The following TRAPPC6B variants were observed in gnomAD, a reference collection of about 807,000 sequenced individuals.
TRAPPC6B encodes TRAPP complex subunit 6B.
TRAPPC6B carries 27 observed loss-of-function variants against 24.7 expected under a neutral mutation model. The observed-to-expected ratio is 1.09, with a 90% CI of 0.81 to 1.51. TRAPPC6B has a LOEUF of 1.51. TRAPPC6B is among the 40% of genes most tolerant of loss of function. The pLI, the probability that TRAPPC6B is intolerant of heterozygous loss-of-function variation, is 0.00. For missense variants in TRAPPC6B, 212 were observed against 190.8 expected (o/e 1.11, Z -0.66); for synonymous variants, 80 against 66.6 (o/e 1.20, Z -0.98).
chr14:39,150,679 C>T (rs1002854018), intron 5 of TRAPPC6B, among the ~76,000 whole-genome samples: 2 of 152,162 alleles, frequency 1.3e-5, no homozygotes, highest in Non-Finnish European at 2.9e-5. Flanking sequence ...GCTGGGACTA[C>T]AGGCGTCTGT....
At position 39,148,834 on chromosome 14, in the gene TRAPPC6B, G is replaced by A. The variant is rs753435356; in HGVS notation, c.*1516C>T. On this transcript the variant is annotated 3_prime_UTR_variant, in exon 6 of 6. Transcript: ENST00000330149. The stretch of plus-strand genomic sequence containing the variant: ...GATTTTAAAATTGTACAATCACAGA[G>A]TGTACTTACACAAACCTAGATGGTA... 1.0e-5 allele frequency: 4 copies of A among 397,986 alleles called. No individual in the cohort carries two copies. The highest frequency in any genetic ancestry group is 2.1e-5 in the African/African-American group (1 of 48,578). 24.7% of individuals were successfully genotyped at this position (397,986 alleles called of 1,614,324 possible).
In TRAPPC6B at chr14:39,168,991, TCTCA is replaced by T. The variant is rs1033676432; in HGVS notation, c.81+1020_81+1023del. ...CTTTCTAACTTCACCTCTCAATTCTTCTCACTCTCTATTCAGTCTAGTCCAAAGA... is the reference window on the plus strand; with the variant it reads ...CTTTCTAACTTCACCTCTCAATTCTTCTCTCTATTCAGTCTAGTCCAAAGA... On this transcript the variant is annotated intron_variant, in intron 1 of 5. Coordinates refer to ENST00000330149, the MANE Select transcript of TRAPPC6B (RefSeq NM_001079537.2). 3.9e-5 allele frequency among the ~76,000 whole-genome samples: 6 copies of T among 152,296 alleles called. No homozygotes were observed. The South Asian group carries it at 6.2e-4, about 16-fold the overall frequency.
chr14:39,166,740 C>T (rs566607289), intron 1 of TRAPPC6B, among the ~76,000 whole-genome samples: 1 of 152,180 alleles, frequency 6.6e-6, no homozygotes, highest in African/African-American at 2.4e-5. Context: ...TATTGTAGAA[C>T]CTAAAAAAGG....
intron 1 of TRAPPC6B, 148 bp downstream of exon 1, chr14:39,169,867 C>G: frequency 1.5e-6 from 1 of 681,692 alleles, no homozygotes; most frequent in Non-Finnish European, 2.6e-6. Context: ...CTGACAGGTT[C>G]TAGGGTTTAG....
chr14:39,156,568 T>C (rs551629307), intron 3 of TRAPPC6B, among the ~76,000 whole-genome samples: 21 of 152,192 alleles, frequency 1.4e-4, no homozygotes, highest in Non-Finnish European at 2.1e-4. Flanking sequence ...GTCTCCCTTT[T>C]AAAATTTTAA....
rs554494857 is a variant in TRAPPC6B, at chr14:39,157,020, T to C, written c.267+1265A>G. Among the ~76,000 whole-genome samples the C allele has an allele frequency of 6.8e-5, 10 of 148,024 alleles. No individual in the cohort carries two copies. The East Asian group carries it at 2.0e-3, about 30-fold the overall frequency. ...AGCTACCTGGGAGCCTGAGGCAGAA[T>C]GGCTTGAACCCAGGAGGCGGAGGTT... On this transcript the variant is annotated intron_variant, in intron 3 of 5. Transcript: ENST00000330149.
At position 39,165,785 on chromosome 14, in the gene TRAPPC6B, A is replaced by C. The variant is rs1023147853; in HGVS notation, c.81+4230T>G. Among the ~76,000 whole-genome samples, 5 of 151,166 alleles carry C rather than the reference A, an allele frequency of 3.3e-5. No individual in the cohort carries two copies. The East Asian group carries it at 1.0e-3, about 30-fold the overall frequency. On this transcript the variant is annotated intron_variant, in intron 1 of 5. Transcript: ENST00000330149. ...GCATTTCAGCCTGCATGACAGAGCA[A>C]GACATTGTCTCTCTCTCTCTCTCTC...
intron 2 of TRAPPC6B, 123 bp from the exon 3 acceptor site, chr14:39,158,525 ATTTTT>A: frequency 1.8e-6 from 1 of 548,418 alleles, no homozygotes; most frequent in Non-Finnish European, 3.1e-6. Context: ...TTTAATTTTA[ATTTTT>A]TTTTTGAGAC....
In TRAPPC6B at chr14:39,170,326, T is replaced by G. The variant is rs175341; in HGVS notation, c.-231A>C. ...GGGCTACCAAATCCTAGGGCCGAAC[T>G]AAAGTCTGACGGGAGCTCTAACCAA... On this transcript the variant is annotated 5_prime_UTR_variant, in exon 1 of 6. Transcript: ENST00000330149. 497,757 of 533,996 alleles carry G rather than the reference T, an allele frequency of 0.93. 232,483 individuals carry two copies. Among genetic ancestry groups the G allele is most frequent in the African/African-American group, 0.99 (50,601 of 51,274 alleles). The allele number at this position is 533,996 out of a possible 1,614,324, so 33.1% of individuals were successfully genotyped here. A position where few individuals can be genotyped will look rare whatever the true frequency, so the allele number is the denominator to read the frequency against.
intron 4 of TRAPPC6B, among the ~76,000 whole-genome samples, chr14:39,152,675 T>C (rs2052929071): frequency 6.6e-6 from 1 of 152,210 alleles, no homozygotes; most frequent in South Asian, 2.1e-4. Flanking sequence ...GAGTTCTTAA[T>C]CGGGGAATTT....
At chr14:39,159,594 G>A (rs1377126113) in intron 1 of TRAPPC6B, 44 bp from the exon 2 acceptor site, 1 of 1,378,892 alleles carries the variant, frequency 7.3e-7, no homozygotes, top group Non-Finnish European at 1.0e-6. Context: ...AGAATGCTAG[G>A]ATGTTAGTAT....
chr14:39,157,660 A>G, intron 3 of TRAPPC6B: 1 of 338,064 alleles, frequency 3.0e-6, no homozygotes, highest in South Asian at 2.5e-5. Context: ...GACCCGCACC[A>G]CTGTCGCCTT....
intron 1 of TRAPPC6B, among the ~76,000 whole-genome samples, chr14:39,165,547 C>A (rs1379071829): frequency 2.0e-5 from 3 of 152,158 alleles, no homozygotes; most frequent in African/African-American, 7.2e-5. Flanking sequence ...ATAATCCCAG[C>A]ACCGTAGGAG....
At chr14:39,151,389 CAAAAAAAAA>C (rs11288695) in intron 5 of TRAPPC6B, among the ~76,000 whole-genome samples, 1 of 78,732 alleles carries the variant, frequency 1.3e-5, no homozygotes, top group Non-Finnish European at 2.4e-5. Flanking sequence ...GACTCCGTCT[CAAAAAAAAA>C]AAAAAAAAAA....
chr14:39,155,632 G>A (rs919906932), intron 3 of TRAPPC6B, among the ~76,000 whole-genome samples: 1 of 152,132 alleles, frequency 6.6e-6, no homozygotes. Context: ...TGCCTCCCGG[G>A]TTCAAGCAAT....
chr14:39,166,269 AC>A lies in TRAPPC6B; in HGVS notation c.81+3745del, dbSNP rs373766458. Among the ~76,000 whole-genome samples the A allele has an allele frequency of 4.9e-4, 56 of 114,280 alleles. 1 individual carries two copies. The highest frequency in any genetic ancestry group is 1.7e-3 in the South Asian group (6 of 3,588). 75.0% of individuals were successfully genotyped at this position (114,280 alleles called of 152,430 possible). ...GACTTGTCTCTTAAAAAAAAAAAAA[AC>A]AAAAAAACAAGTTCAGCTAGAATAA... On this transcript the variant is annotated intron_variant, in intron 1 of 5. Coordinates refer to ENST00000330149, the MANE Select transcript of TRAPPC6B (RefSeq NM_001079537.2).
At position 39,150,394 on chromosome 14, in the gene TRAPPC6B, A is replaced by T; in HGVS notation, c.446-13T>A. The T allele has an allele frequency of 2.0e-6, 3 of 1,516,786 alleles. No homozygotes were observed. The highest frequency in any genetic ancestry group is 2.7e-6 in the Non-Finnish European group (3 of 1,114,638). 94.0% of individuals were successfully genotyped at this position (1,516,786 alleles called of 1,614,324 possible). A position where few individuals can be genotyped will look rare whatever the true frequency, so the allele number is the denominator to read the frequency against. Reference sequence around the variant, plus strand: ...ACCTGAAATTTGCCTAAAAAAAAAAATACAAATAATTCTTTGATTTTAGAT... The same window carrying T: ...ACCTGAAATTTGCCTAAAAAAAAAATTACAAATAATTCTTTGATTTTAGAT... On this transcript the variant is annotated splice_polypyrimidine_tract_variant and intron_variant, in intron 5 of 5. Transcript: ENST00000330149.
At position 39,153,160 on chromosome 14, in the gene TRAPPC6B, C is replaced by T. The variant is rs367842778; in HGVS notation, c.351+1051G>A. ...ACAAAAAATTAGCCAGGCATGGTGG[C>T]GCACACCTGTAATCCCAGCTACTCA... On this transcript the variant is annotated intron_variant, in intron 4 of 5. Transcript: ENST00000330149. Among the ~76,000 whole-genome samples, 23 of 151,486 alleles carry T rather than the reference C, an allele frequency of 1.5e-4. No homozygotes were observed. The East Asian group carries it at 3.3e-3, about 22-fold the overall frequency.
chr14:39,161,487 AGACGGAAT>A (rs2139385686), intron 1 of TRAPPC6B, among the ~76,000 whole-genome samples: 1 of 152,310 alleles, frequency 6.6e-6, no homozygotes, highest in African/African-American at 2.4e-5. Flanking sequence ...TCATCCCAAA[AGACGGAAT>A]GACTTAAGCA....
Sources: allele counts gnomAD v4.1 joint callset (sites outside exome capture counted in the v4.1 genomes callset), GRCh38; gene constraint gnomAD v4.1.1; transcripts MANE v1.5; gene names NCBI Gene and HGNC (gene_info 2026-07-23, HGNC 2026-07-21).